The following CNTN4 variants were observed in gnomAD, a reference collection of about 807,000 sequenced individuals.
CNTN4 encodes contactin 4.
Under a neutral mutation model 122.5 loss-of-function variants are expected in CNTN4, and 77 were observed. That is an observed-to-expected ratio of 0.63 (90% CI 0.52 to 0.76). The LOEUF (loss-of-function observed/expected upper bound fraction) is 0.76, where lower values mean the gene tolerates loss of function less well. CNTN4 is among the 30% of genes least tolerant of loss of function. The pLI, the probability that CNTN4 is intolerant of heterozygous loss-of-function variation, is 0.00. For synonymous variants in CNTN4, 512 were observed against 447.0 expected, an observed-to-expected ratio of 1.15 and a Z score of -1.83; for missense variants, 1,256 against 1,259.1, an observed-to-expected ratio of 1.00 and a Z score of 0.04.
At chr3:2,959,788 TG>T (rs750796734) in intron 13 of CNTN4, among the ~76,000 whole-genome samples, 27 of 152,202 alleles carry the variant, frequency 1.8e-4, no homozygotes, top group Admixed American at 3.3e-4. Context: ...ATTAAGTTTT[TG>T]TCTCCCTAGG....
chr3:2,121,453 A>G (rs62244628), intron 2 of CNTN4, among the ~76,000 whole-genome samples: 44,576 of 149,692 alleles, frequency 0.3, 7,318 homozygotes, highest in Admixed American at 0.43. Context: ...AGCCGAGATC[A>G]CACCACTGCA....
chr3:2,909,148 G>C (rs959652030), intron 12 of CNTN4, among the ~76,000 whole-genome samples: 1 of 152,328 alleles, frequency 6.6e-6, no homozygotes, highest in South Asian at 2.1e-4. Context: ...AAAATAATCA[G>C]ATGTGCTGAG....
chr3:2,271,853 T>G (rs2149821468), intron 2 of CNTN4, among the ~76,000 whole-genome samples: 1 of 152,296 alleles, frequency 6.6e-6, no homozygotes, highest in Non-Finnish European at 1.5e-5. Flanking sequence ...TAATCCAGAA[T>G]CATGTTATGT....
intron 3 of CNTN4, among the ~76,000 whole-genome samples, chr3:2,367,730 CT>C: frequency 6.6e-6 from 1 of 152,288 alleles, no homozygotes; most frequent in African/African-American, 2.4e-5. Context: ...GGCAATCCAC[CT>C]GCCTGGGCCT....
chr3:2,338,791 G>A (rs71309888), intron 2 of CNTN4, among the ~76,000 whole-genome samples: 10,992 of 152,010 alleles, frequency 0.072, 459 homozygotes, highest in Middle Eastern at 0.082. Context: ...AAACGATGAC[G>A]TCTCCATTTA....
At chr3:2,438,247 C>T (rs894279965) in intron 3 of CNTN4, among the ~76,000 whole-genome samples, 5 of 152,134 alleles carry the variant, frequency 3.3e-5, no homozygotes, top group Admixed American at 6.5e-5. Flanking sequence ...TGGCTGGGCA[C>T]GGTTGCTCAC....
intron 3 of CNTN4, among the ~76,000 whole-genome samples, chr3:2,368,425 G>A (rs1005172915): frequency 5.3e-5 from 8 of 152,110 alleles, no homozygotes; most frequent in Non-Finnish European, 8.8e-5. Context: ...AGCCATTTAC[G>A]TAGGTCAATT....
chr3:2,921,146 T>A (rs1316509044), intron 12 of CNTN4, among the ~76,000 whole-genome samples: 1 of 152,168 alleles, frequency 6.6e-6, no homozygotes, highest in Non-Finnish European at 1.5e-5. Flanking sequence ...CAAGTGATCT[T>A]CTCACCTCAG....
At chr3:2,388,112 G>A (rs72996019) in intron 3 of CNTN4, among the ~76,000 whole-genome samples, 25,069 of 152,196 alleles carry the variant, frequency 0.16, 2,542 homozygotes, top group Middle Eastern at 0.26. Context: ...TGTTTTGGCA[G>A]CAATTTTTGT....
intron 3 of CNTN4, among the ~76,000 whole-genome samples, chr3:2,465,835 AG>A (rs1293894725): frequency 1.3e-5 from 2 of 152,162 alleles, no homozygotes; most frequent in Non-Finnish European, 2.9e-5. Context: ...TTCTGACATG[AG>A]GTGCTATAGG....
At chr3:2,694,511 C>T (rs930430709) in intron 4 of CNTN4, among the ~76,000 whole-genome samples, 2 of 152,116 alleles carry the variant, frequency 1.3e-5, no homozygotes, top group African/African-American at 4.8e-5. Flanking sequence ...AGGTGGATCA[C>T]TTTAGGTCAG....
intron 14 of CNTN4, among the ~76,000 whole-genome samples, chr3:3,003,902 A>G (rs1166507616): frequency 6.6e-6 from 1 of 151,882 alleles, no homozygotes; most frequent in African/African-American, 2.4e-5. Flanking sequence ...GGCGCACGCC[A>G]GCACGCCACC....
At chr3:2,865,806 G>A (rs576277538) in intron 7 of CNTN4, among the ~76,000 whole-genome samples, 83 of 152,274 alleles carry the variant, frequency 5.5e-4, no homozygotes, top group Non-Finnish European at 1.0e-3. Context: ...TGGAAAGCAT[G>A]GGCTCATGTG....
intron 2 of CNTN4, among the ~76,000 whole-genome samples, chr3:2,304,219 T>C (rs756947113): frequency 3.3e-5 from 5 of 152,196 alleles, no homozygotes; most frequent in Non-Finnish European, 7.3e-5. Context: ...AGTTTAGATT[T>C]ATATGCTTAT....
In CNTN4 at chr3:2,826,807, G is replaced by A. The variant is rs565147297; in HGVS notation, c.454+7226G>A. 7.2e-5 allele frequency among the ~76,000 whole-genome samples: 11 copies of A among 152,294 alleles called. No homozygotes were observed. The East Asian group carries it at 1.4e-3, about 19-fold the overall frequency. ...TAATCTTCAAGATGTCCACATTCAA[G>A]TCAAGTTGCCAACTCTGCCTAACTC... is the stretch of plus-strand genomic sequence containing the variant. On this transcript the variant is annotated intron_variant, in intron 7 of 24. Coordinates refer to ENST00000418658, the MANE Select transcript of CNTN4 (RefSeq NM_175607.3).
At chr3:2,521,171 A>G (rs1478272013) in intron 3 of CNTN4, among the ~76,000 whole-genome samples, 1 of 152,104 alleles carries the variant, frequency 6.6e-6, no homozygotes, top group Non-Finnish European at 1.5e-5. Context: ...TGGATGAACA[A>G]AAGTTTTTCA....
At chr3:2,962,904 G>A (rs895513542) in intron 13 of CNTN4, among the ~76,000 whole-genome samples, 4 of 152,174 alleles carry the variant, frequency 2.6e-5, no homozygotes, top group Non-Finnish European at 5.9e-5. Context: ...ATCATCCAGT[G>A]TCCTTAGCTG....
At chr3:2,388,149 T>C (rs1323590437) in intron 3 of CNTN4, among the ~76,000 whole-genome samples, 2 of 152,128 alleles carry the variant, frequency 1.3e-5, no homozygotes, top group Non-Finnish European at 2.9e-5. Context: ...GTCCTTCAAG[T>C]GGGGAAGTTT....
In CNTN4 at chr3:2,298,285, T is replaced by G. The variant is rs565966502; in HGVS notation, c.-144-40893T>G. On this transcript the variant is annotated intron_variant, in intron 2 of 24. Coordinates refer to ENST00000418658, the MANE Select transcript of CNTN4 (RefSeq NM_175607.3). ...AGTCGAATTAAAATCTAGCCTTAAC[T>G]TTTTTCTTGAAATTTAACAGGCTTA... 3.9e-5 allele frequency among the ~76,000 whole-genome samples: 6 copies of G among 152,302 alleles called. No individual in the cohort carries two copies. In the South Asian group the frequency reaches 1.2e-3, roughly 32 times the overall value.
Sources: gnomAD v4.1 joint callset for allele counts (sites outside exome capture counted in the v4.1 genomes callset) on GRCh38, gnomAD v4.1.1 for gene constraint, MANE v1.5 for transcripts, NCBI Gene and HGNC (gene_info 2026-07-23, HGNC 2026-07-21) for gene names.